ARHGAP6: variants seen among roughly 807,000 people sequenced by gnomAD.
ARHGAP6 encodes the protein rho GTPase-activating protein 6.
Under a neutral mutation model 55.7 loss-of-function variants are expected in ARHGAP6, and 16 were observed. The observed-to-expected ratio is 0.29, with a 90% CI of 0.19 to 0.44. The LOEUF is 0.44. ARHGAP6 is among the 20% of genes least tolerant of loss of function. The probability of loss-of-function intolerance (pLI) is 1.00; values close to 1 mark genes in which losing one functional copy is unlikely to be tolerated. For synonymous variants in ARHGAP6, 382 were observed against 360.9 expected, an observed-to-expected ratio of 1.06 and a Z score of -0.66; for missense variants, 698 against 808.9, an observed-to-expected ratio of 0.86 and a Z score of 1.66.
intron 10 of ARHGAP6, among the ~76,000 whole-genome samples, chrX:11,151,007 T>C (rs2045768079): frequency 9.0e-6 from 1 of 111,594 alleles, no homozygotes; most frequent in South Asian, 3.8e-4. Flanking sequence ...TTAAATTCTG[T>C]GTCTAGGCAA....
chrX:11,316,506 C>T (rs1037331324), intron 1 of ARHGAP6, among the ~76,000 whole-genome samples: 1 of 112,173 alleles, frequency 8.9e-6, no homozygotes, highest in African/African-American at 3.2e-5. Flanking sequence ...TGTGAAATGT[C>T]TTCATTAAGC....
chrX:11,298,247 T>C (rs1477677401), intron 1 of ARHGAP6: 20 of 1,209,905 alleles, frequency 1.7e-5, no homozygotes, highest in Non-Finnish European at 2.2e-5. Context: ...TGCTTACCCC[T>C]TTGAAGTGGT....
At chrX:11,411,288 G>T (rs1391141486) in intron 1 of ARHGAP6, among the ~76,000 whole-genome samples, 8 of 90,543 alleles carry the variant, frequency 8.8e-5, no homozygotes, top group African/African-American at 2.8e-4. Context: ...ATTTATATAT[G>T]CATATATAAT....
intron 2 of ARHGAP6, among the ~76,000 whole-genome samples, chrX:11,227,800 C>CTT (rs772345343): frequency 2.0e-5 from 2 of 101,794 alleles, no homozygotes; most frequent in Non-Finnish European, 2.0e-5. Flanking sequence ...TTTCTTTTTT[C>CTT]TTTTTTTTTT....
At chrX:11,552,537 C>T (rs1483177530) in intron 1 of ARHGAP6, among the ~76,000 whole-genome samples, 1 of 62,955 alleles carries the variant, frequency 1.6e-5, no homozygotes, top group Non-Finnish European at 2.8e-5. Flanking sequence ...AGTGGATGAA[C>T]TGATAAAGAA....
chrX:11,177,294 G>T (rs2046240316), intron 8 of ARHGAP6, among the ~76,000 whole-genome samples: 1 of 89,684 alleles, frequency 1.1e-5, no homozygotes, highest in African/African-American at 4.4e-5. Context: ...GTCCAAGGGT[G>T]AAACAAAAAA....
chrX:11,420,690 C>G (rs1210919848), intron 1 of ARHGAP6, among the ~76,000 whole-genome samples: 4 of 111,375 alleles, frequency 3.6e-5, no homozygotes, highest in Admixed American at 9.6e-5. Flanking sequence ...CAACTCTTCC[C>G]TTTTCCCCAG....
At position 11,188,980 on chromosome X, in the gene ARHGAP6, G is replaced by A; in HGVS notation, c.825C>T (p.Phe275=). Residue 275 remains phenylalanine (F), a synonymous_variant, in exon 4 of 13, where the codon TTC becomes TTT. Transcript: ENST00000337414. ...AGGGCATTCCAAATGCCTGTGGGAT[G>A]AATTCTGGAATCAAAAAACAGACAT... ...LGKEKNKDKE[F]IPQAFGMPLS... is the part of the protein sequence containing the mutation. 1 of 1,205,732 alleles carries A rather than the reference G, an allele frequency of 8.3e-7. No individual in the cohort carries two copies. The highest frequency in any genetic ancestry group is 1.1e-6 in the Non-Finnish European group (1 of 892,394).
At chrX:11,649,792 T>C (rs760916251) in intron 1 of ARHGAP6, among the ~76,000 whole-genome samples, 12 of 111,917 alleles carry the variant, frequency 1.1e-4, no homozygotes, top group Non-Finnish European at 1.9e-4. Flanking sequence ...AGTTAAAAGT[T>C]ACATGTATGT....
chrX:11,199,819 G>A (rs1399089455), intron 2 of ARHGAP6, among the ~76,000 whole-genome samples: 26 of 112,164 alleles, frequency 2.3e-4, no homozygotes, highest in Non-Finnish European at 9.4e-5. Context: ...TATACAAAAT[G>A]ATGGATGACG....
At chrX:11,203,754 T>C (rs947627410) in intron 2 of ARHGAP6, among the ~76,000 whole-genome samples, 2 of 111,734 alleles carry the variant, frequency 1.8e-5, no homozygotes, top group African/African-American at 6.5e-5. Context: ...TGGACCCTTC[T>C]CCACACCAAG....
At chrX:11,436,417 T>A (rs1291522912) in intron 1 of ARHGAP6, among the ~76,000 whole-genome samples, 2 of 112,406 alleles carry the variant, frequency 1.8e-5, no homozygotes, top group Admixed American at 9.4e-5. Flanking sequence ...CATAAGAAAG[T>A]CTTGTCCATA....
chrX:11,217,730 G>C (rs2046902925), intron 2 of ARHGAP6, among the ~76,000 whole-genome samples: 1 of 112,088 alleles, frequency 8.9e-6, no homozygotes, highest in African/African-American at 3.2e-5. Context: ...GATCCCAGTG[G>C]TCAATTATGG....
At chrX:11,214,834 G>C (rs1234163169) in intron 2 of ARHGAP6, among the ~76,000 whole-genome samples, 1 of 113,481 alleles carries the variant, frequency 8.8e-6, no homozygotes, top group African/African-American at 3.2e-5. Context: ...GCGTCTGCAG[G>C]TCCACTGAGG....
intron 1 of ARHGAP6, among the ~76,000 whole-genome samples, chrX:11,545,468 C>T (rs2051202682): frequency 9.0e-6 from 1 of 111,594 alleles, no homozygotes; most frequent in African/African-American, 3.3e-5. Flanking sequence ...AGCTATCAGG[C>T]TTTCTTAAAA....
intron 1 of ARHGAP6, among the ~76,000 whole-genome samples, chrX:11,656,380 G>A (rs993069992): frequency 2.7e-5 from 3 of 111,977 alleles, no homozygotes; most frequent in Non-Finnish European, 5.6e-5. Flanking sequence ...GTTTCCTATC[G>A]CTGCTCGAAA....
chrX:11,533,442 T>C (rs1302637969), intron 1 of ARHGAP6, among the ~76,000 whole-genome samples: 2 of 112,318 alleles, frequency 1.8e-5, no homozygotes, highest in Non-Finnish European at 3.8e-5. Flanking sequence ...AATACACATT[T>C]CAGGATCATC....
At chrX:11,173,673 C>CA (rs1343031104) in intron 8 of ARHGAP6, among the ~76,000 whole-genome samples, 2 of 112,037 alleles carry the variant, frequency 1.8e-5, no homozygotes, top group Non-Finnish European at 3.8e-5. Flanking sequence ...TATTTTTTCC[C>CA]AAAAAAGCAC....
At chrX:11,517,469 G>A (rs184823536) in intron 1 of ARHGAP6, among the ~76,000 whole-genome samples, 3 of 111,497 alleles carry the variant, frequency 2.7e-5, no homozygotes, top group African/African-American at 6.5e-5. Flanking sequence ...TTATCTTCTC[G>A]TGCACACTGT....
Sources: allele counts gnomAD v4.1 joint callset (sites outside exome capture counted in the v4.1 genomes callset), GRCh38; gene constraint gnomAD v4.1.1; transcripts MANE v1.5; gene names NCBI Gene and HGNC (gene_info 2026-07-23, HGNC 2026-07-21).